PTPRT: variants seen among roughly 807,000 people sequenced by gnomAD.
PTPRT encodes the protein receptor-type tyrosine-protein phosphatase T.
PTPRT carries 56 observed loss-of-function variants against 176.8 expected under a neutral mutation model. That is an observed-to-expected ratio of 0.32 (90% CI 0.26 to 0.40). The LOEUF (loss-of-function observed/expected upper bound fraction) is 0.40, where lower values mean the gene tolerates loss of function less well. Ranked by LOEUF, PTPRT falls within the 10% of genes least tolerant of loss-of-function variation. The probability of loss-of-function intolerance (pLI) is 1.00; values close to 1 mark genes in which losing one functional copy is unlikely to be tolerated. For missense variants in PTPRT, 1,540 were observed against 1,908.2 expected (o/e 0.81, Z 3.60); for synonymous variants, 783 against 739.0 (o/e 1.06, Z -0.96).
intron 15 of PTPRT, among the ~76,000 whole-genome samples, chr20:42,234,193 A>C (rs1324999423): frequency 6.6e-6 from 1 of 152,228 alleles, no homozygotes; most frequent in African/African-American, 2.4e-5. Flanking sequence ...GGGGAAATAA[A>C]GAAAACTAAT....
chr20:42,237,008 C>T (rs145067673), intron 14 of PTPRT, among the ~76,000 whole-genome samples: 1 of 152,224 alleles, frequency 6.6e-6, no homozygotes, highest in African/African-American at 2.4e-5. Context: ...ATAGAAGAAG[C>T]CCAGTTTCCC....
intron 7 of PTPRT, among the ~76,000 whole-genome samples, chr20:42,666,825 C>A (rs1178610048): frequency 6.6e-6 from 1 of 152,188 alleles, no homozygotes; most frequent in Non-Finnish European, 1.5e-5. Flanking sequence ...ATGGTTATTA[C>A]TGGCATATGG....
intron 1 of PTPRT, among the ~76,000 whole-genome samples, chr20:42,931,035 C>A (rs1979815485): frequency 6.6e-6 from 1 of 152,164 alleles, no homozygotes; most frequent in Non-Finnish European, 1.5e-5. Context: ...TAGCCACCAC[C>A]ACCACCACCA....
chr20:42,725,042 T>TGTGTGTGTGTGTGTG (rs2076359504), intron 6 of PTPRT, among the ~76,000 whole-genome samples: 1 of 149,432 alleles, frequency 6.7e-6, no homozygotes, highest in African/African-American at 2.5e-5. Flanking sequence ...TGTGTGTGTG[T>TGTGTGTGTGTGTGTG]TTGAGACTGA....
rs543148042 is a variant in PTPRT, at chr20:42,555,894, G to T, written c.1154-83332C>A. Among the ~76,000 whole-genome samples, 4 of 152,156 alleles carry T rather than the reference G, an allele frequency of 2.6e-5. No homozygotes were observed. In the East Asian group the frequency reaches 7.7e-4, roughly 29 times the overall value. ...CAGCAAGCCCACACCTAGGAGGGACGTGAGCAAGGAAAAAACAAGTTTGTC... is the reference window on the plus strand; with the variant it reads ...CAGCAAGCCCACACCTAGGAGGGACTTGAGCAAGGAAAAAACAAGTTTGTC... On this transcript the variant is annotated intron_variant, in intron 7 of 30. Transcript: ENST00000373187.
At chr20:43,062,698 C>A (rs962407434) in intron 1 of PTPRT, among the ~76,000 whole-genome samples, 3 of 152,160 alleles carry the variant, frequency 2.0e-5, no homozygotes, top group African/African-American at 7.2e-5. Context: ...GCCATGAAAT[C>A]TTGGATTAAT....
At chr20:42,303,095 C>T (rs543443712) in intron 12 of PTPRT, among the ~76,000 whole-genome samples, 3 of 152,182 alleles carry the variant, frequency 2.0e-5, no homozygotes, top group Non-Finnish European at 4.4e-5. Flanking sequence ...CTATTAGGAG[C>T]TGGCAACCCC....
chr20:42,110,609 T>C (rs760028339), intron 22 of PTPRT, 122 bp from the exon 23 acceptor site: 2 of 1,036,346 alleles, frequency 1.9e-6, no homozygotes, highest in Non-Finnish European at 2.7e-6. Context: ...CTCACAGTGT[T>C]TGTTAATAGG....
At chr20:42,696,030 G>A (rs1026608218) in intron 6 of PTPRT, among the ~76,000 whole-genome samples, 3 of 152,046 alleles carry the variant, frequency 2.0e-5, no homozygotes, top group African/African-American at 7.3e-5. Context: ...GCAGAGTACA[G>A]CAAAAGCGAT....
chr20:42,042,528 C>T, the PTPRT span, among the ~76,000 whole-genome samples: 1 of 152,186 alleles, frequency 6.6e-6, no homozygotes, highest in Non-Finnish European at 1.5e-5. Context: ...GCTCTGCTGT[C>T]CACAGATTGC....
chr20:43,117,817 C>T (rs1401764734), intron 1 of PTPRT, among the ~76,000 whole-genome samples: 5 of 152,262 alleles, frequency 3.3e-5, no homozygotes, highest in Admixed American at 2.6e-4. Flanking sequence ...AAGCAATTCG[C>T]TCTCATTTAA....
chr20:42,490,586 T>A (rs532979222), intron 7 of PTPRT, among the ~76,000 whole-genome samples: 1 of 152,288 alleles, frequency 6.6e-6, no homozygotes, highest in East Asian at 1.9e-4. Context: ...ACTCTCTTAT[T>A]ACCACAATTT....
rs372546177 is a variant in PTPRT, at chr20:42,705,437, C to T, written c.860-27278G>A. Among the ~76,000 whole-genome samples the T allele has an allele frequency of 3.7e-5, 4 of 109,232 alleles. No homozygotes were observed. The East Asian group carries it at 7.1e-4, about 19-fold the overall frequency. The allele number at this position is 109,232 out of a possible 152,430, so 71.7% of individuals were successfully genotyped here. On this transcript the variant is annotated intron_variant, in intron 6 of 30. Transcript: ENST00000373187. ...CACAAGGGCGGGGTGGGGGGAGGTGCGGGGGTGTATTGTCACTAGGGTGGG... is the reference window on the plus strand; with the variant it reads ...CACAAGGGCGGGGTGGGGGGAGGTGTGGGGGTGTATTGTCACTAGGGTGGG...
intron 1 of PTPRT, among the ~76,000 whole-genome samples, chr20:43,133,725 G>T (rs1337757795): frequency 6.7e-6 from 1 of 148,338 alleles, no homozygotes; most frequent in African/African-American, 2.5e-5. Context: ...TCCAGCCTGG[G>T]CAACAGAGCG....
chr20:42,804,821 C>G (rs928909760), intron 2 of PTPRT, among the ~76,000 whole-genome samples: 1 of 152,310 alleles, frequency 6.6e-6, no homozygotes, highest in East Asian at 1.9e-4. Context: ...ATGGTTTATC[C>G]CTGTGTGCAT....
rs1044580265 is a variant in PTPRT, at chr20:43,124,017, A to G, written c.88+65629T>C. 8.5e-5 allele frequency among the ~76,000 whole-genome samples: 13 copies of G among 152,264 alleles called. 1 individual carries two copies. The highest frequency in any genetic ancestry group is 7.2e-4 in the Admixed American group (11 of 15,290). On this transcript the variant is annotated intron_variant, in intron 1 of 30. Coordinates refer to ENST00000373187, the MANE Select transcript of PTPRT (RefSeq NM_007050.6). ...ATTTCCGACAAACAAAGGAATTTTT[A>G]AAAGAGAAAATGAAGTAGGACAAGG...
intron 9 of PTPRT, among the ~76,000 whole-genome samples, chr20:42,361,854 T>G (rs940044976): frequency 6.6e-6 from 1 of 152,236 alleles, no homozygotes; most frequent in Non-Finnish European, 1.5e-5. Context: ...GTTGTTGTTT[T>G]ATTCCACTAA....
chr20:43,025,338 A>G (rs142591509), intron 1 of PTPRT, among the ~76,000 whole-genome samples: 18 of 152,358 alleles, frequency 1.2e-4, no homozygotes, highest in Middle Eastern at 3.4e-3. Context: ...CAGTATCACA[A>G]AAGTTCAGTA....
intron 7 of PTPRT, among the ~76,000 whole-genome samples, chr20:42,596,501 C>T (rs980748380): frequency 4.6e-5 from 7 of 152,222 alleles, no homozygotes; most frequent in African/African-American, 1.7e-4. Context: ...TCCCTCCTCA[C>T]CAAATACCAT....
Sources: allele counts gnomAD v4.1 joint callset (sites outside exome capture counted in the v4.1 genomes callset), GRCh38; gene constraint gnomAD v4.1.1; transcripts MANE v1.5; gene names NCBI Gene and HGNC (gene_info 2026-07-23, HGNC 2026-07-21).